Variants in VPS41 observed in about 807,000 individuals in gnomAD.
VPS41 encodes vacuolar protein sorting-associated protein 41 homolog.
A neutral mutation model predicts 130.9 loss-of-function variants in VPS41; 85 were observed. The observed-to-expected ratio is 0.65, with a 90% CI of 0.55 to 0.78. The LOEUF is 0.78. Among genes scored for constraint, VPS41 ranks in the 30% least tolerant of loss-of-function variants. The pLI, the probability that VPS41 is intolerant of heterozygous loss-of-function variation, is 0.00. For missense variants in VPS41, 874 were observed against 1,018.7 expected, an observed-to-expected ratio of 0.86 and a Z score of 1.93; for synonymous variants, 335 against 332.9, an observed-to-expected ratio of 1.01 and a Z score of -0.07.
intron 5 of VPS41, among the ~76,000 whole-genome samples, chr7:38,828,607 CA>C (rs1785326198): frequency 6.6e-6 from 1 of 152,118 alleles, no homozygotes; most frequent in Non-Finnish European, 1.5e-5. Flanking sequence ...TCAATTTTCA[CA>C]ATACTGACTA....
intron 1 of VPS41, among the ~76,000 whole-genome samples, chr7:38,908,569 T>C (rs2116473542): frequency 6.6e-6 from 1 of 152,282 alleles, no homozygotes; most frequent in African/African-American, 2.4e-5. Context: ...GCCTTATTAT[T>C]ACCCCCATCT....
At chr7:38,821,141 G>A (rs1785162647) in intron 6 of VPS41, 62 bp downstream of exon 6, 1 of 1,238,812 alleles carries the variant, frequency 8.1e-7, no homozygotes, top group Non-Finnish European at 1.2e-6. Context: ...TCAAATTACT[G>A]TAATCCATAT....
chr7:38,861,116 A>T (rs1360711129), intron 4 of VPS41, among the ~76,000 whole-genome samples: 1 of 152,204 alleles, frequency 6.6e-6, no homozygotes, highest in African/African-American at 2.4e-5. Flanking sequence ...AACAGACATG[A>T]AAGAAGATAT....
chr7:38,909,136 A>T lies in VPS41; in HGVS notation c.21+18T>A, dbSNP rs763024274. The T allele has an allele frequency of 1.1e-4, 183 of 1,613,722 alleles. No individual in the cohort carries two copies. The highest frequency in any genetic ancestry group is 4.9e-4 in the Middle Eastern group (3 of 6,062). ...TCTCTATATCCCTGTGCCCTCAACT[A>T]CCACCTGCACCCTTTACCTGCTCCT... On this transcript the variant is annotated intron_variant, in intron 1 of 28. Transcript: ENST00000310301.
intron 7 of VPS41, among the ~76,000 whole-genome samples, chr7:38,804,339 C>T (rs1009371720): frequency 4.6e-5 from 7 of 152,200 alleles, no homozygotes; most frequent in Admixed American, 3.3e-4. Context: ...CTCCCATCCT[C>T]CATCCTCCAA....
intron 4 of VPS41, among the ~76,000 whole-genome samples, chr7:38,839,682 C>T (rs1414366754): frequency 1.3e-5 from 2 of 152,040 alleles, no homozygotes; most frequent in Non-Finnish European, 2.9e-5. Context: ...CCTCCCGCCT[C>T]GGCCTCCCAA....
chr7:38,751,102 C>T (rs1426558173), intron 22 of VPS41, among the ~76,000 whole-genome samples: 2 of 152,202 alleles, frequency 1.3e-5, no homozygotes, highest in South Asian at 2.1e-4. Context: ...TATAAGTTAA[C>T]AGGCAGGCAA....
At chr7:38,833,382 T>A (rs1281509926) in intron 4 of VPS41, among the ~76,000 whole-genome samples, 1 of 152,192 alleles carries the variant, frequency 6.6e-6, no homozygotes, top group Non-Finnish European at 1.5e-5. Context: ...TAAGCCAAGA[T>A]TTTTACTACG....
Position 38,726,841 on chromosome 7 carries a change from G to T in VPS41, c.2484+68C>A, listed in dbSNP as rs1584357062. The T allele has an allele frequency of 8.7e-6, 12 of 1,385,022 alleles. No individual in the cohort carries two copies. The East Asian group carries it at 3.1e-4, about 36-fold the overall frequency. 85.8% of individuals were successfully genotyped at this position (1,385,022 alleles called of 1,614,324 possible). Reference sequence around the variant, plus strand: ...ACAGCCATAAGGATGAAGGGTTACAGTTTAAAGCACATTCCTCTAAGTGTG... The same window carrying T: ...ACAGCCATAAGGATGAAGGGTTACATTTTAAAGCACATTCCTCTAAGTGTG... On this transcript the variant is annotated intron_variant, in intron 28 of 28. Coordinates refer to ENST00000310301, the MANE Select transcript of VPS41 (RefSeq NM_014396.4).
At chr7:38,758,580 A>G in intron 17 of VPS41, 99 bp from the exon 18 acceptor site, 1 of 1,195,012 alleles carries the variant, frequency 8.4e-7, no homozygotes, top group South Asian at 1.5e-5. Context: ...GTTTCCTGGC[A>G]TATAACTCTC....
intron 18 of VPS41, among the ~76,000 whole-genome samples, chr7:38,757,377 T>C (rs1783819191): frequency 6.6e-6 from 1 of 152,150 alleles, no homozygotes; most frequent in Non-Finnish European, 1.5e-5. Flanking sequence ...AAATGGCTAA[T>C]ATTCCAAAAG....
chr7:38,737,975 G>T (rs117604493), intron 25 of VPS41, among the ~76,000 whole-genome samples: 1 of 152,300 alleles, frequency 6.6e-6, no homozygotes, highest in East Asian at 1.9e-4. Context: ...TAAGATGGAC[G>T]TTTAATCTAG....
At chr7:38,857,641 C>T (rs1326756104) in intron 4 of VPS41, among the ~76,000 whole-genome samples, 2 of 152,174 alleles carry the variant, frequency 1.3e-5, no homozygotes, top group Non-Finnish European at 2.9e-5. Context: ...TACATAACAA[C>T]ATTTTGGTCA....
chr7:38,757,017 A>T (rs558689061), intron 18 of VPS41, 35 bp from the exon 19 acceptor site: 1 of 1,497,172 alleles, frequency 6.7e-7, no homozygotes, highest in South Asian at 1.1e-5. Context: ...AATATTCATC[A>T]ACAGTTCTAA....
chr7:38,739,731 C>A (rs897959277), intron 25 of VPS41, among the ~76,000 whole-genome samples: 1 of 152,192 alleles, frequency 6.6e-6, no homozygotes, highest in Non-Finnish European at 1.5e-5. Flanking sequence ...CTCTCCCTCA[C>A]CCTCTGAGAA....
At chr7:38,829,431 A>G (rs951772712) in intron 5 of VPS41, among the ~76,000 whole-genome samples, 1 of 152,216 alleles carries the variant, frequency 6.6e-6, no homozygotes, top group Non-Finnish European at 1.5e-5. Flanking sequence ...AATCTGCTTT[A>G]CTCAGTAAGG....
rs541228187 is a variant in VPS41 at position 38,738,402 on chromosome 7, A to G, written c.2259+3583T>C. Reference sequence around the variant, plus strand: ...GACAACCTTCTCATCTGTAAAACAAAGATGATATTTCCTACAGAAGTGTTG... The same window carrying G: ...GACAACCTTCTCATCTGTAAAACAAGGATGATATTTCCTACAGAAGTGTTG... On this transcript the variant is annotated intron_variant, in intron 25 of 28. Coordinates refer to ENST00000310301, the MANE Select transcript of VPS41 (RefSeq NM_014396.4). Among the ~76,000 whole-genome samples the G allele has an allele frequency of 1.1e-4, 16 of 152,332 alleles. No homozygotes were observed. In the South Asian group the frequency reaches 3.1e-3, roughly 30 times the overall value.
intron 9 of VPS41, among the ~76,000 whole-genome samples, chr7:38,793,904 G>A (rs956594595): frequency 6.6e-6 from 1 of 152,112 alleles, no homozygotes; most frequent in African/African-American, 2.4e-5. Context: ...GATAATGTAG[G>A]TTAATTCCCC....
rs1227481478 is a variant in VPS41, at chr7:38,758,439, T to C, written c.1465A>G (p.Asn489Asp). Residue 489 changes from asparagine to aspartate, a missense_variant, in exon 18 of 29, where the codon AAT becomes GAT. Physicochemically the swap from Asn to Asp is conservative, Grantham distance 23. Coordinates refer to ENST00000310301, the MANE Select transcript of VPS41 (RefSeq NM_014396.4). Reference protein sequence around the residue: ...LIREWPGDLYNNSVIVQAVRD... With the variant: ...LIREWPGDLYDNSVIVQAVRD... ...ACTGCTTGAACTATGACTGAATTATTATACAGATCTCCAGGCCATTCTCGG... is the reference window on the plus strand; with the variant it reads ...ACTGCTTGAACTATGACTGAATTATCATACAGATCTCCAGGCCATTCTCGG... 1.2e-6 allele frequency: 2 copies of C among 1,613,592 alleles called. No individual in the cohort carries two copies.
Sources: allele counts gnomAD v4.1 joint callset (sites outside exome capture counted in the v4.1 genomes callset), GRCh38; gene constraint gnomAD v4.1.1; transcripts MANE v1.5; gene names NCBI Gene and HGNC (gene_info 2026-07-23, HGNC 2026-07-21).